Variants in ITGA1 observed in about 807,000 individuals in gnomAD.
ITGA1 encodes the protein integrin subunit alpha 1.
A neutral mutation model predicts 145.9 loss-of-function variants in ITGA1; 85 were observed. The ratio of observed to expected loss-of-function variants is 0.58; its 90% confidence interval spans 0.49 to 0.70. The LOEUF is 0.70. Among genes scored for constraint, ITGA1 ranks in the 30% least tolerant of loss-of-function variants. The pLI, the probability that ITGA1 is intolerant of heterozygous loss-of-function variation, is 0.00. For synonymous variants in ITGA1, 520 were observed against 495.3 expected, an observed-to-expected ratio of 1.05 and a Z score of -0.66; for missense variants, 1,351 against 1,418.7, an observed-to-expected ratio of 0.95 and a Z score of 0.77.
At chr5:52,915,621 A>G (rs1750634307) in intron 15 of ITGA1, 27 bp downstream of exon 15, 1 of 1,611,456 alleles carries the variant, frequency 6.2e-7, no homozygotes, top group Non-Finnish European at 8.5e-7. Flanking sequence ...CATCCTGTTA[A>G]TCTGAGACTG....
rs1751293854 is a variant in ITGA1 at position 52,955,648 on chromosome 5, A to G, written c.*3197A>G. On this transcript the variant is annotated 3_prime_UTR_variant, in exon 29 of 29. Coordinates refer to ENST00000282588, the MANE Select transcript of ITGA1 (RefSeq NM_181501.2). Reference sequence around the variant, plus strand: ...GATCCACAGTGAAAATCAGACCTACACAAGCCACAAAAAAATTGTCTCATT... The same window carrying G: ...GATCCACAGTGAAAATCAGACCTACGCAAGCCACAAAAAAATTGTCTCATT... 1 of 152,140 alleles carries G rather than the reference A, an allele frequency of 6.6e-6. No individual in the cohort carries two copies. Among genetic ancestry groups the G allele is most frequent in the African/African-American group, 2.4e-5 (1 of 41,448 alleles). 9.4% of individuals were successfully genotyped at this position (152,140 alleles called of 1,614,324 possible). A position where few individuals can be genotyped will look rare whatever the true frequency, so the allele number is the denominator to read the frequency against.
intron 1 of ITGA1, among the ~76,000 whole-genome samples, chr5:52,819,935 T>C (rs1168266103): frequency 6.6e-6 from 1 of 152,160 alleles, no homozygotes; most frequent in Non-Finnish European, 1.5e-5. Context: ...TTTTCTCAGG[T>C]TTGTCAAAGA....
chr5:52,907,355 G>A (rs1358032978), intron 12 of ITGA1, among the ~76,000 whole-genome samples: 1 of 152,140 alleles, frequency 6.6e-6, no homozygotes, highest in African/African-American at 2.4e-5. Context: ...GGCCATGACA[G>A]ATATCAATAA....
At chr5:52,879,492 G>A (rs191662593) in intron 6 of ITGA1, among the ~76,000 whole-genome samples, 7 of 152,158 alleles carry the variant, frequency 4.6e-5, no homozygotes, top group African/African-American at 7.2e-5. Flanking sequence ...AAAGACATGT[G>A]TATCCATGGA....
chr5:52,929,714 G>T lies in ITGA1; in HGVS notation c.2771+13G>T. On this transcript the variant is annotated intron_variant, in intron 21 of 28. Transcript: ENST00000282588. ...TAAGTGCAACAAGGTTGGTTTACAT[G>T]TGTATAAATGTATGTATATGAATGT... The T allele has an allele frequency of 3.6e-6, 5 of 1,399,754 alleles. No homozygotes were observed. The highest frequency in any genetic ancestry group is 5.0e-6 in the Non-Finnish European group (5 of 993,606). 86.7% of individuals were successfully genotyped at this position (1,399,754 alleles called of 1,614,324 possible).
At chr5:52,790,262 G>A (rs1748213001) in intron 1 of ITGA1, among the ~76,000 whole-genome samples, 1 of 152,080 alleles carries the variant, frequency 6.6e-6, no homozygotes. Context: ...AAAAATCTTT[G>A]GTGGTTCTTT....
chr5:52,792,882 G>T (rs965547674), intron 1 of ITGA1, among the ~76,000 whole-genome samples: 3 of 152,142 alleles, frequency 2.0e-5, no homozygotes, highest in Non-Finnish European at 4.4e-5. Context: ...TCTGTGACTG[G>T]AGAATTGTAT....
At chr5:52,902,439 T>G (rs796360443) in intron 11 of ITGA1, 9 of 152,356 alleles carry the variant, frequency 5.9e-5, no homozygotes, top group African/African-American at 2.2e-4. Context: ...TCAAGACAGA[T>G]CATACCTGTT....
chr5:52,948,576 A>G (rs964918465), intron 28 of ITGA1, among the ~76,000 whole-genome samples: 1 of 152,164 alleles, frequency 6.6e-6, no homozygotes, highest in Non-Finnish European at 1.5e-5. Context: ...GCTTTTCTCT[A>G]GCAAAGTTCC....
intron 6 of ITGA1, among the ~76,000 whole-genome samples, chr5:52,873,414 C>T (rs1254694505): frequency 1.3e-5 from 2 of 152,156 alleles, no homozygotes; most frequent in Non-Finnish European, 2.9e-5. Flanking sequence ...TTCCATGAAG[C>T]AAGAGTCCAG....
chr5:52,867,478 G>C (rs951659802), intron 6 of ITGA1, among the ~76,000 whole-genome samples: 1 of 152,154 alleles, frequency 6.6e-6, no homozygotes, highest in African/African-American at 2.4e-5. Flanking sequence ...GAAATTACTA[G>C]TGGATGGTAG....
In ITGA1 at chr5:52,937,803, C is replaced by T. The variant is rs1214758420; in HGVS notation, c.3078+289C>T. 2.0e-5 allele frequency among the ~76,000 whole-genome samples: 3 copies of T among 152,166 alleles called. No individual in the cohort carries two copies. The East Asian group carries it at 5.8e-4, about 29-fold the overall frequency. ...ACAGTGTTAATTCCCTCTGGAGGCT[C>T]CAAGAGAGACTCTTTCTCATGCTGT... On this transcript the variant is annotated intron_variant, in intron 24 of 28. Transcript: ENST00000282588.
In ITGA1 at chr5:52,801,775, A is replaced by G. The variant is rs776009993; in HGVS notation, c.61+13361A>G. 7.2e-5 allele frequency: 116 copies of G among 1,614,020 alleles called. No individual in the cohort carries two copies. Among genetic ancestry groups the G allele is most frequent in the Non-Finnish European group, 8.8e-5 (104 of 1,180,002 alleles). On this transcript the variant is annotated intron_variant, in intron 1 of 28. Transcript: ENST00000282588. ...CAGCCAGTTGACTGGGGTAGCTGCC[A>G]TTCTCCGCTTCCCTGTTCCCGAACT...
At chr5:52,830,035 G>A (rs1499275) in intron 1 of ITGA1, among the ~76,000 whole-genome samples, 78,000 of 151,922 alleles carry the variant, frequency 0.51, 20,353 homozygotes, top group African/African-American at 0.6. Context: ...ATATATGAAT[G>A]AAGTAATATT....
chr5:52,909,135 A>T, intron 13 of ITGA1, 94 bp downstream of exon 13: 5 of 1,311,656 alleles, frequency 3.8e-6, no homozygotes, highest in Middle Eastern at 2.1e-4. Flanking sequence ...CACTTTGAAA[A>T]AACAGAGCAA....
rs377408065 is a variant in ITGA1 at position 52,851,614 on chromosome 5, G to T, written c.182+2129G>T. On this transcript the variant is annotated intron_variant, in intron 2 of 28. Coordinates refer to ENST00000282588, the MANE Select transcript of ITGA1 (RefSeq NM_181501.2). ...AAAGAGTGCATAGATTGGATAGTAA[G>T]AATAAGGTTGCAAGAACGATGTTGC... is the stretch of plus-strand genomic sequence containing the variant. Among the ~76,000 whole-genome samples the T allele has an allele frequency of 1.3e-3, 193 of 152,312 alleles. 2 individuals are homozygous for T. The South Asian group carries it at 0.017, about 13-fold the overall frequency.
At chr5:52,845,532 T>C (rs1749319007) in intron 1 of ITGA1, among the ~76,000 whole-genome samples, 1 of 152,116 alleles carries the variant, frequency 6.6e-6, no homozygotes, top group Admixed American at 6.5e-5. Context: ...CGTGGTTGGT[T>C]TTCGGTCATC....
Position 52,915,585 on chromosome 5 carries a change from C to T in ITGA1, c.1979C>T (p.Ala660Val), listed in dbSNP as rs1258296706. 1.9e-6 allele frequency: 3 copies of T among 1,613,734 alleles called. No homozygotes were observed. In the Admixed American group the frequency reaches 5.0e-5, roughly 27 times the overall value. ...DVTIGGLGGA[A>V]LFWSRDVAVV... ...ACTATTGGGGGCCTTGGTGGTGCTG[C>T]CCTCTTCTGGTATGTATTTTAATAA... is the stretch of plus-strand genomic sequence containing the variant. The change falls in exon 15 of 29, where the codon GCC (alanine) becomes GTC (valine). Residue 660 changes from alanine (A) to valine (V), a missense_variant. Transcript: ENST00000282588.
At chr5:52,889,152 G>A (rs1750103266) in intron 8 of ITGA1, among the ~76,000 whole-genome samples, 2 of 151,518 alleles carry the variant, frequency 1.3e-5, no homozygotes, top group Non-Finnish European at 2.9e-5. Flanking sequence ...CCAGGCTGGA[G>A]TGAAGTGGCA....
Sources: gnomAD v4.1 joint callset for allele counts (sites outside exome capture counted in the v4.1 genomes callset) on GRCh38, gnomAD v4.1.1 for gene constraint, MANE v1.5 for transcripts, NCBI Gene and HGNC (gene_info 2026-07-23, HGNC 2026-07-21) for gene names.